The following GRM7 variants were observed in gnomAD, a reference collection of about 807,000 sequenced individuals.
GRM7 encodes the protein metabotropic glutamate receptor 7.
A neutral mutation model predicts 84.5 loss-of-function variants in GRM7; 35 were observed. The ratio of observed to expected loss-of-function variants is 0.41; its 90% CI spans 0.32 to 0.55. The LOEUF (loss-of-function observed/expected upper bound fraction) is 0.55. GRM7 is among the 20% of genes least tolerant of loss of function. The pLI, the probability that GRM7 is intolerant of heterozygous loss-of-function variation, is 0.19. For missense variants in GRM7, 1,003 were observed against 1,194.6 expected (o/e 0.84, Z 2.36); for synonymous variants, 487 against 455.1 (o/e 1.07, Z -0.89).
chr3:7,435,429 T>C (rs1419203805), intron 5 of GRM7, among the ~76,000 whole-genome samples: 2 of 152,130 alleles, frequency 1.3e-5, no homozygotes, highest in Non-Finnish European at 2.9e-5. Flanking sequence ...GTGCTGGGAT[T>C]ACAGGTATGA....
chr3:7,646,421 T>C (rs577266808), intron 8 of GRM7, among the ~76,000 whole-genome samples: 180 of 152,214 alleles, frequency 1.2e-3, no homozygotes, highest in Middle Eastern at 3.4e-3. Flanking sequence ...CTCGAACTCC[T>C]GACCTGATGA....
At chr3:7,348,133 C>T (rs1334924323) in intron 4 of GRM7, among the ~76,000 whole-genome samples, 1 of 152,124 alleles carries the variant, frequency 6.6e-6, no homozygotes, top group Non-Finnish European at 1.5e-5. Context: ...TAAGCAGTGA[C>T]TTTTATCGGC....
chr3:7,696,774 G>A (rs1168896033), intron 9 of GRM7, among the ~76,000 whole-genome samples: 1 of 152,196 alleles, frequency 6.6e-6, no homozygotes, highest in Non-Finnish European at 1.5e-5. Flanking sequence ...ACAGGCAAAG[G>A]ACTGAAGATG....
Position 7,719,623 on chromosome 3 carries a change from T to G in GRM7, c.2699-20734T>G, listed in dbSNP as rs1000114121. Among the ~76,000 whole-genome samples, 76 of 151,974 alleles carry G rather than the reference T, an allele frequency of 5.0e-4. 5 individuals are homozygous for G. Among genetic ancestry groups the G allele is most frequent in the Non-Finnish European group, 4.4e-5 (3 of 68,010 alleles). On this transcript the variant is annotated intron_variant, in intron 9 of 9. Transcript: ENST00000357716. ...GTCAGGAGATCGAGACCATCCTGGC[T>G]AACACAGTGAAACCCCATCTCTACT...
chr3:6,870,518 G>A (rs1695088202), intron 1 of GRM7, among the ~76,000 whole-genome samples: 1 of 152,164 alleles, frequency 6.6e-6, no homozygotes, highest in Non-Finnish European at 1.5e-5. Context: ...CAGGCATTTT[G>A]TCATTTACTC....
chr3:6,953,205 C>T (rs1043120680), intron 1 of GRM7, among the ~76,000 whole-genome samples: 2 of 152,286 alleles, frequency 1.3e-5, no homozygotes, highest in Admixed American at 6.5e-5. Context: ...CCCAGTGCCT[C>T]AGAATTTTTT....
chr3:6,867,053 C>A (rs545112309), intron 1 of GRM7, among the ~76,000 whole-genome samples: 2 of 152,224 alleles, frequency 1.3e-5, no homozygotes, highest in South Asian at 2.1e-4. Flanking sequence ...GAGAGGGGAG[C>A]CCTGCTGATA....
chr3:7,258,724 G>T (rs1333133602), intron 2 of GRM7, among the ~76,000 whole-genome samples: 1 of 152,212 alleles, frequency 6.6e-6, no homozygotes, highest in African/African-American at 2.4e-5. Context: ...GTAGGCCTAG[G>T]AATATTTTCC....
chr3:7,287,306 C>T (rs189158681), intron 2 of GRM7, among the ~76,000 whole-genome samples: 21 of 152,214 alleles, frequency 1.4e-4, no homozygotes, highest in Non-Finnish European at 2.4e-4. Flanking sequence ...CTAAAGAAAA[C>T]AGAAAGAGGA....
intron 4 of GRM7, 110 bp downstream of exon 4, chr3:7,306,762 G>A: frequency 1.1e-6 from 1 of 884,254 alleles, no homozygotes; most frequent in South Asian, 1.9e-5. Flanking sequence ...CTCATGTGGG[G>A]TTGTTTCAAA....
chr3:7,631,018 A>G (rs1436553586), intron 8 of GRM7, among the ~76,000 whole-genome samples: 1 of 152,226 alleles, frequency 6.6e-6, no homozygotes. Flanking sequence ...CTGTGAAGCC[A>G]TCACTTCAGT....
chr3:7,241,982 C>G (rs944862604), intron 2 of GRM7, among the ~76,000 whole-genome samples: 9 of 152,090 alleles, frequency 5.9e-5, no homozygotes, highest in Non-Finnish European at 1.0e-4. Context: ...TGGTTTTTAC[C>G]TTAGTACTTC....
chr3:7,013,881 G>A (rs1232124810), intron 1 of GRM7, among the ~76,000 whole-genome samples: 1 of 151,538 alleles, frequency 6.6e-6, no homozygotes, highest in African/African-American at 2.4e-5. Context: ...TCTTTTCTTT[G>A]GTAATTAATT....
chr3:7,365,845 CT>C (rs1288304606), intron 4 of GRM7, among the ~76,000 whole-genome samples: 2 of 150,598 alleles, frequency 1.3e-5, no homozygotes, highest in African/African-American at 2.5e-5. Flanking sequence ...GGAGGTAGCT[CT>C]TTCTCTAAAG....
At chr3:7,622,589 G>A (rs571915234) in intron 8 of GRM7, among the ~76,000 whole-genome samples, 5 of 152,046 alleles carry the variant, frequency 3.3e-5, no homozygotes, top group South Asian at 2.1e-4. Flanking sequence ...TAGAGAATAC[G>A]GTGGAATTGA....
rs116357278 is a variant in GRM7, at chr3:7,411,632, A to G, written c.1034-3391A>G. Among the ~76,000 whole-genome samples, 881 of 152,044 alleles carry G rather than the reference A, an allele frequency of 5.8e-3. 13 individuals carry two copies. Among genetic ancestry groups the G allele is most frequent in the African/African-American group, 0.02 (814 of 41,480 alleles). ...ATAAATGATACCGAATGCATTCTTT[A>G]TTTTCTGGTTTGCACATTTGTTATG... On this transcript the variant is annotated intron_variant, in intron 4 of 9. Coordinates refer to ENST00000357716, the MANE Select transcript of GRM7 (RefSeq NM_000844.4).
intron 4 of GRM7, among the ~76,000 whole-genome samples, chr3:7,404,149 T>C (rs553454718): frequency 6.6e-6 from 1 of 152,214 alleles, no homozygotes; most frequent in Admixed American, 6.5e-5. Context: ...GTTGTAAACA[T>C]AAGTATTCTG....
intron 2 of GRM7, among the ~76,000 whole-genome samples, chr3:7,241,737 T>A (rs142823559): frequency 0.017 from 2,541 of 152,202 alleles, 32 homozygotes; most frequent in Non-Finnish European, 0.027. Context: ...AGCTGGTGCA[T>A]ACTTCAGGTT....
At chr3:7,162,373 A>C (rs895127150) in intron 2 of GRM7, among the ~76,000 whole-genome samples, 2 of 152,178 alleles carry the variant, frequency 1.3e-5, no homozygotes, top group Non-Finnish European at 2.9e-5. Context: ...GTAGAAAGAA[A>C]ACAAGGAGTT....
Sources: gnomAD v4.1 joint callset for allele counts (sites outside exome capture counted in the v4.1 genomes callset) on GRCh38, gnomAD v4.1.1 for gene constraint, MANE v1.5 for transcripts, NCBI Gene and HGNC (gene_info 2026-07-23, HGNC 2026-07-21) for gene names.